FSHR: variants seen among roughly 807,000 people sequenced by gnomAD.
FSHR encodes the protein follicle stimulating hormone receptor.
Under a neutral mutation model 52.1 loss-of-function variants are expected in FSHR, and 46 were observed. The ratio of observed to expected loss-of-function variants is 0.88; its 90% CI spans 0.70 to 1.13. The LOEUF is 1.13. Ranked by LOEUF, FSHR falls within the 50% of genes most tolerant of loss-of-function variation. The probability of loss-of-function intolerance (pLI) is 0.00; values close to 1 mark genes in which losing one functional copy is unlikely to be tolerated. For synonymous variants in FSHR, 399 were observed against 309.6 expected (o/e 1.29, Z -3.03); for missense variants, 964 against 834.6 (o/e 1.16, Z -1.91).
chr2:48,991,557 A>G (rs575399326), intron 4 of FSHR, among the ~76,000 whole-genome samples: 26 of 152,232 alleles, frequency 1.7e-4, no homozygotes, highest in African/African-American at 5.8e-4. Context: ...GCACCCAGTG[A>G]GTTCCTGATG....
chr2:49,150,874 G>A (rs927415240), intron 1 of FSHR, among the ~76,000 whole-genome samples: 3 of 151,872 alleles, frequency 2.0e-5, no homozygotes, highest in African/African-American at 7.3e-5. Context: ...CTTGCCCCAT[G>A]TTTTTCTATG....
chr2:49,000,150 C>T (rs1429070514), intron 4 of FSHR, among the ~76,000 whole-genome samples: 2 of 152,072 alleles, frequency 1.3e-5, no homozygotes, highest in African/African-American at 2.4e-5. Context: ...ACCAAGTTTG[C>T]ACATTTTAGG....
At chr2:48,997,325 T>A in intron 4 of FSHR, 1 of 985,194 alleles carries the variant, frequency 1.0e-6, no homozygotes, top group African/African-American at 1.7e-5. Context: ...GAACTCTTTG[T>A]CTCAGTCTCC....
chr2:49,058,104 G>T (rs1464928062), intron 2 of FSHR, among the ~76,000 whole-genome samples: 1 of 152,164 alleles, frequency 6.6e-6, no homozygotes, highest in East Asian at 1.9e-4. Context: ...CTAACAACTG[G>T]AATGTTACAA....
intron 2 of FSHR, among the ~76,000 whole-genome samples, chr2:49,042,384 A>C (rs2104284699): frequency 6.6e-6 from 1 of 152,326 alleles, no homozygotes; most frequent in Non-Finnish European, 1.5e-5. Flanking sequence ...AGAAGGAATG[A>C]TAGAACAAGA....
intron 2 of FSHR, among the ~76,000 whole-genome samples, chr2:49,043,108 G>A (rs56818892): frequency 0.21 from 31,715 of 151,912 alleles, 3,599 homozygotes; most frequent in East Asian, 0.44. Flanking sequence ...TGTTTTTTCA[G>A]TAGGAGCAGA....
chr2:48,980,424 T>C (rs1675196069), intron 8 of FSHR, among the ~76,000 whole-genome samples: 1 of 152,250 alleles, frequency 6.6e-6, no homozygotes, highest in South Asian at 2.1e-4. Context: ...GCTCTCTTCC[T>C]GCCTGCGTTC....
chr2:49,142,153 T>C (rs1210075607), intron 1 of FSHR, among the ~76,000 whole-genome samples: 2 of 152,228 alleles, frequency 1.3e-5, no homozygotes, highest in African/African-American at 4.8e-5. Flanking sequence ...TGCTGGGGAC[T>C]ATTCAACATG....
chr2:49,028,450 C>T (rs1413210846), intron 2 of FSHR, among the ~76,000 whole-genome samples: 1 of 152,176 alleles, frequency 6.6e-6, no homozygotes, highest in African/African-American at 2.4e-5. Context: ...TGACCTTGGA[C>T]AAGTCAATTA....
chr2:49,006,622 G>C (rs991048227), intron 4 of FSHR, among the ~76,000 whole-genome samples: 1 of 152,010 alleles, frequency 6.6e-6, no homozygotes, highest in Non-Finnish European at 1.5e-5. Context: ...TTACCTCCAA[G>C]AAGCCCACAA....
chr2:48,968,657 A>C, intron 9 of FSHR, 41 bp downstream of exon 9: 1 of 1,606,176 alleles, frequency 6.2e-7, no homozygotes, highest in South Asian at 1.1e-5. Context: ...AAAGTTCTAC[A>C]TTGGGGAAAT....
intron 1 of FSHR, among the ~76,000 whole-genome samples, chr2:49,142,244 T>C (rs905501695): frequency 6.6e-6 from 1 of 152,176 alleles, no homozygotes; most frequent in Admixed American, 6.5e-5. Context: ...ACATTCAAGT[T>C]GTAGTAAGTT....
At chr2:49,088,168 G>T (rs534439814) in intron 1 of FSHR, among the ~76,000 whole-genome samples, 1 of 152,164 alleles carries the variant, frequency 6.6e-6, no homozygotes, top group African/African-American at 2.4e-5. Flanking sequence ...AAGCCCATGC[G>T]CACAAGTCTG....
intron 2 of FSHR, among the ~76,000 whole-genome samples, chr2:49,032,442 C>G (rs1262293879): frequency 2.0e-5 from 3 of 152,152 alleles, no homozygotes; most frequent in African/African-American, 7.2e-5. Context: ...TGCCAAATCT[C>G]AAATTCCTTT....
At chr2:49,129,168 CA>C (rs766967636) in intron 1 of FSHR, among the ~76,000 whole-genome samples, 9 of 152,114 alleles carry the variant, frequency 5.9e-5, no homozygotes, top group Non-Finnish European at 8.8e-5. Flanking sequence ...CAGTAAATAC[CA>C]CTGCCTTCCA....
chr2:49,086,667 G>C (rs999348277), intron 1 of FSHR, among the ~76,000 whole-genome samples: 5 of 152,272 alleles, frequency 3.3e-5, no homozygotes, highest in African/African-American at 1.2e-4. Flanking sequence ...TTGAGATGAA[G>C]TCTTGCTCTT....
chr2:49,075,740 C>A (rs908428287), intron 1 of FSHR, among the ~76,000 whole-genome samples: 17 of 151,976 alleles, frequency 1.1e-4, no homozygotes, highest in African/African-American at 4.1e-4. Flanking sequence ...TGATCCTGCC[C>A]CCTCAACCTC....
intron 2 of FSHR, among the ~76,000 whole-genome samples, chr2:49,046,548 C>T (rs12713035): frequency 0.27 from 41,801 of 152,016 alleles, 6,601 homozygotes; most frequent in Non-Finnish European, 0.35. Flanking sequence ...AGTGGCTTAG[C>T]TCAGTTTCTG....
rs1412690357 is a variant in FSHR, at chr2:48,995,006, A to G, written c.375-4369T>C. On this transcript the variant is annotated intron_variant, in intron 4 of 9. Transcript: ENST00000406846. ...CCATTCTTACCTATTCTGCCATAGGATAATATGCTTGCCTTTCATAAACAG... is the reference window on the plus strand; with the variant it reads ...CCATTCTTACCTATTCTGCCATAGGGTAATATGCTTGCCTTTCATAAACAG... Among the ~76,000 whole-genome samples the G allele has an allele frequency of 4.6e-5, 7 of 152,162 alleles. 1 individual carries two copies. The highest frequency in any genetic ancestry group is 1.5e-5 in the Non-Finnish European group (1 of 68,026).
Sources: gnomAD v4.1 joint callset for allele counts (sites outside exome capture counted in the v4.1 genomes callset) on GRCh38, gnomAD v4.1.1 for gene constraint, MANE v1.5 for transcripts, NCBI Gene and HGNC (gene_info 2026-07-23, HGNC 2026-07-21) for gene names.